Variants in MALRD1 observed in about 807,000 individuals in gnomAD.
MALRD1 encodes MAM and LDL receptor class A domain containing 1.
In MALRD1, 247 loss-of-function variants were observed where a neutral mutation model predicts 242.1. The ratio of observed to expected loss-of-function variants is 1.02; its 90% CI spans 0.92 to 1.13. MALRD1 has a LOEUF of 1.13. MALRD1 is among the 50% of genes most tolerant of loss of function. MALRD1 has a pLI of 0.00. For missense variants in MALRD1, 2,989 were observed against 2,533.1 expected, an observed-to-expected ratio of 1.18 and a Z score of -3.86; for synonymous variants, 995 against 866.6, an observed-to-expected ratio of 1.15 and a Z score of -2.60.
At chr10:19,162,775 G>C (rs576136356) in intron 12 of MALRD1, among the ~76,000 whole-genome samples, 23 of 152,168 alleles carry the variant, frequency 1.5e-4, no homozygotes, top group Non-Finnish European at 7.4e-5. Context: ...AGAGCTAAAA[G>C]CAGAGCTACT....
chr10:19,247,189 A>G (rs557907017), intron 18 of MALRD1, among the ~76,000 whole-genome samples: 1 of 152,236 alleles, frequency 6.6e-6, no homozygotes, highest in South Asian at 2.1e-4. Flanking sequence ...AGAAAAGCCA[A>G]AGGGCTTGTT....
At chr10:19,200,785 A>G (rs1334042913) in intron 14 of MALRD1, among the ~76,000 whole-genome samples, 2 of 151,474 alleles carry the variant, frequency 1.3e-5, no homozygotes, top group Non-Finnish European at 2.9e-5. Flanking sequence ...CTCCAGGGGC[A>G]ACTGCTGTGA....
intron 5 of MALRD1, among the ~76,000 whole-genome samples, chr10:19,119,373 C>T (rs1179593568): frequency 2.6e-5 from 4 of 152,110 alleles, no homozygotes; most frequent in Non-Finnish European, 4.4e-5. Context: ...CACGCAGAGC[C>T]GGCTATGTGG....
At chr10:19,627,453 C>G (rs951682719) in intron 36 of MALRD1, among the ~76,000 whole-genome samples, 1 of 151,690 alleles carries the variant, frequency 6.6e-6, no homozygotes, top group Non-Finnish European at 1.5e-5. Context: ...AAAACAATAA[C>G]AGGGCCACGT....
chr10:19,621,507 A>G (rs538076128), intron 36 of MALRD1, among the ~76,000 whole-genome samples: 1 of 151,870 alleles, frequency 6.6e-6, no homozygotes, highest in South Asian at 2.1e-4. Flanking sequence ...AAATGTATTC[A>G]GAAATTTTTA....
At chr10:19,676,028 C>G (rs1022111747) in intron 36 of MALRD1, among the ~76,000 whole-genome samples, 3 of 152,064 alleles carry the variant, frequency 2.0e-5, no homozygotes, top group African/African-American at 7.2e-5. Context: ...AAGCCATCTT[C>G]CAGCCAATGA....
intron 26 of MALRD1, among the ~76,000 whole-genome samples, chr10:19,383,931 G>A (rs895705142): frequency 6.6e-6 from 1 of 151,958 alleles, no homozygotes; most frequent in African/African-American, 2.4e-5. Flanking sequence ...AGTGTGAGGT[G>A]TTATGGAAAT....
chr10:19,415,959 T>G (rs941195206), intron 28 of MALRD1, among the ~76,000 whole-genome samples: 1 of 152,174 alleles, frequency 6.6e-6, no homozygotes, highest in African/African-American at 2.4e-5. Context: ...GAAGTGGGCT[T>G]TTAAAGAAAA....
intron 29 of MALRD1, among the ~76,000 whole-genome samples, chr10:19,459,849 G>T (rs1190690095): frequency 2.6e-5 from 4 of 151,108 alleles, no homozygotes; most frequent in African/African-American, 7.3e-5. Context: ...GATATAACTT[G>T]GTTCATTTAC....
intron 31 of MALRD1, among the ~76,000 whole-genome samples, chr10:19,510,056 T>A (rs1589173885): frequency 1.3e-5 from 2 of 151,846 alleles, no homozygotes; most frequent in African/African-American, 4.8e-5. Flanking sequence ...GGAGAGAGGG[T>A]CAGCAGGAAA....
At chr10:19,342,591 G>A (rs983284775) in intron 24 of MALRD1, among the ~76,000 whole-genome samples, 1 of 152,082 alleles carries the variant, frequency 6.6e-6, no homozygotes, top group African/African-American at 2.4e-5. Flanking sequence ...TAATCCCAAC[G>A]TGGGCTTTCA....
intron 1 of MALRD1, among the ~76,000 whole-genome samples, chr10:19,061,207 A>G (rs1046912208): frequency 2.0e-5 from 3 of 152,316 alleles, no homozygotes; most frequent in East Asian, 3.9e-4. Context: ...TGATCTGTGC[A>G]GCAAACCAGC....
At chr10:19,722,980 C>A (rs1172746860) in intron 38 of MALRD1, among the ~76,000 whole-genome samples, 1 of 152,074 alleles carries the variant, frequency 6.6e-6, no homozygotes, top group Admixed American at 6.6e-5. Flanking sequence ...GTGTCCTAGA[C>A]ATGTTGGGTG....
chr10:19,655,663 G>GA (rs1235532912), intron 36 of MALRD1, among the ~76,000 whole-genome samples: 4 of 148,470 alleles, frequency 2.7e-5, no homozygotes, highest in East Asian at 4.0e-4. Flanking sequence ...ACTCATTGTC[G>GA]AAAAAAAATA....
intron 38 of MALRD1, among the ~76,000 whole-genome samples, chr10:19,703,858 G>C (rs953459675): frequency 1.3e-5 from 2 of 152,126 alleles, no homozygotes; most frequent in African/African-American, 4.8e-5. Context: ...TTGTGCCACT[G>C]CACTCCAGTC....
At chr10:19,446,520 G>A (rs1023853579) in intron 28 of MALRD1, among the ~76,000 whole-genome samples, 5 of 152,136 alleles carry the variant, frequency 3.3e-5, no homozygotes, top group Non-Finnish European at 7.4e-5. Context: ...AAGGAGATCT[G>A]TCTATTAATA....
chr10:19,714,325 T>A (rs1387289194), intron 38 of MALRD1, among the ~76,000 whole-genome samples: 8 of 152,096 alleles, frequency 5.3e-5, no homozygotes, highest in African/African-American at 1.7e-4. Flanking sequence ...GTGGCTGGGC[T>A]CCCCTCCAAC....
At chr10:19,546,977 T>A (rs972315197) in intron 32 of MALRD1, among the ~76,000 whole-genome samples, 3 of 152,190 alleles carry the variant, frequency 2.0e-5, no homozygotes, top group Non-Finnish European at 2.9e-5. Flanking sequence ...TTCATTTTTT[T>A]TCCTGTTTGC....
At chr10:19,722,232 T>C (rs1317243311) in intron 38 of MALRD1, 1 of 152,156 alleles carries the variant, frequency 6.6e-6, no homozygotes, top group East Asian at 1.9e-4. Flanking sequence ...CCATCTGTAA[T>C]AGAAGACAGA....
Sources: gnomAD v4.1 joint callset for allele counts (sites outside exome capture counted in the v4.1 genomes callset) on GRCh38, gnomAD v4.1.1 for gene constraint, MANE v1.5 for transcripts, NCBI Gene and HGNC (gene_info 2026-07-23, HGNC 2026-07-21) for gene names.